DLG2: variants seen among roughly 807,000 people sequenced by gnomAD.
DLG2 encodes the protein disks large homolog 2.
A neutral mutation model predicts 132.5 loss-of-function variants in DLG2; 45 were observed. The ratio of observed to expected loss-of-function variants is 0.34; its 90% confidence interval spans 0.27 to 0.44. The LOEUF is 0.44. Among genes scored for constraint, DLG2 ranks in the 20% least tolerant of loss-of-function variants. DLG2 has a pLI of 1.00. For missense variants in DLG2, 1,045 were observed against 1,196.9 expected (o/e 0.87, Z 1.87); for synonymous variants, 424 against 419.6 (o/e 1.01, Z -0.13).
intron 18 of DLG2, among the ~76,000 whole-genome samples, chr11:83,718,021 C>G (rs1044822305): frequency 5.3e-5 from 8 of 152,200 alleles, no homozygotes; most frequent in Non-Finnish European, 7.3e-5. Flanking sequence ...ACCTTCAAAC[C>G]TGCTCCGTAC....
At chr11:85,183,525 A>G (rs2079874494) in intron 4 of DLG2, among the ~76,000 whole-genome samples, 1 of 151,936 alleles carries the variant, frequency 6.6e-6, no homozygotes, top group Non-Finnish European at 1.5e-5. Flanking sequence ...AGAAATGACA[A>G]CAAAACCATT....
intron 6 of DLG2, among the ~76,000 whole-genome samples, chr11:84,559,097 C>T (rs1171297716): frequency 6.6e-6 from 1 of 152,040 alleles, no homozygotes; most frequent in East Asian, 1.9e-4. Flanking sequence ...GAGTAGCTTG[C>T]TGAATAAATG....
At chr11:85,055,133 A>AT (rs1436794472) in intron 6 of DLG2, among the ~76,000 whole-genome samples, 2 of 152,194 alleles carry the variant, frequency 1.3e-5, no homozygotes, top group African/African-American at 4.8e-5. Flanking sequence ...CTTCAGACAA[A>AT]TTTGTCAAAT....
chr11:84,395,877 CATAGTCCACT>C (rs561855604), intron 7 of DLG2, among the ~76,000 whole-genome samples: 130 of 152,310 alleles, frequency 8.5e-4, no homozygotes, highest in African/African-American at 3.0e-3. Flanking sequence ...GTCCAAGAAA[CATAGTCCACT>C]ATTTGTCAGA....
intron 16 of DLG2, among the ~76,000 whole-genome samples, chr11:83,836,301 T>C (rs1382171392): frequency 6.6e-6 from 1 of 152,150 alleles, no homozygotes; most frequent in Admixed American, 6.5e-5. Context: ...AGGAAAATGT[T>C]TAACCAAATA....
chr11:83,932,017 T>C (rs568509149), intron 14 of DLG2, among the ~76,000 whole-genome samples: 12 of 152,332 alleles, frequency 7.9e-5, no homozygotes, highest in Admixed American at 2.0e-4. Flanking sequence ...GGCTAAAGAA[T>C]AGAGATATCA....
At position 85,511,279 on chromosome 11, in the gene DLG2, G is replaced by A. The variant is rs564458684; in HGVS notation, c.40+87378C>T. Among the ~76,000 whole-genome samples the A allele has an allele frequency of 3.3e-5, 5 of 151,968 alleles. No homozygotes were observed. The South Asian group carries it at 6.2e-4, about 19-fold the overall frequency. ...GGAGATGTACCTAATGCTAAATGAC[G>A]AGTTAATGGGTGCAGCATACCAACA... is the stretch of plus-strand genomic sequence containing the variant. On this transcript the variant is annotated intron_variant, in intron 3 of 27. Coordinates refer to ENST00000376104, the MANE Select transcript of DLG2 (RefSeq NM_001142699.3).
chr11:85,236,380 CCT>C (rs1320772125), intron 4 of DLG2, among the ~76,000 whole-genome samples: 2 of 151,860 alleles, frequency 1.3e-5, no homozygotes, highest in Non-Finnish European at 2.9e-5. Flanking sequence ...GAGTAGATTT[CCT>C]CTGAGACCCC....
chr11:84,713,931 C>T (rs1195208867), intron 6 of DLG2, among the ~76,000 whole-genome samples: 1 of 151,904 alleles, frequency 6.6e-6, no homozygotes, highest in Non-Finnish European at 1.5e-5. Context: ...AATTAAAATA[C>T]ATTCACAAAG....
chr11:84,474,638 C>A lies in DLG2; in HGVS notation c.519+59932G>T, dbSNP rs1467853118. Among the ~76,000 whole-genome samples, 3 of 152,002 alleles carry A rather than the reference C, an allele frequency of 2.0e-5. No homozygotes were observed. In the East Asian group the frequency reaches 5.8e-4, roughly 29 times the overall value. ...AATAAATTTGTCCAAATTAACACAG[C>A]CAATTGGTAGCAGATTCTGAATACA... On this transcript the variant is annotated intron_variant, in intron 7 of 27. Coordinates refer to ENST00000376104, the MANE Select transcript of DLG2 (RefSeq NM_001142699.3).
At chr11:83,732,299 G>C (rs193287580) in intron 18 of DLG2, among the ~76,000 whole-genome samples, 1 of 152,064 alleles carries the variant, frequency 6.6e-6, no homozygotes. Context: ...AAGCTAAAGG[G>C]TAATTTTGGG....
chr11:85,515,183 C>A (rs371759707), intron 3 of DLG2, among the ~76,000 whole-genome samples: 119 of 151,978 alleles, frequency 7.8e-4, no homozygotes, highest in African/African-American at 2.6e-3. Flanking sequence ...TAATTTTGAC[C>A]TAGTCCATCC....
intron 6 of DLG2, among the ~76,000 whole-genome samples, chr11:84,558,661 C>G (rs526027): frequency 0.087 from 13,240 of 152,114 alleles, 768 homozygotes; most frequent in Admixed American, 0.16. Flanking sequence ...ACCTACCGCT[C>G]CCCAGCTCCC....
chr11:84,294,423 C>A (rs372998974), intron 7 of DLG2, among the ~76,000 whole-genome samples: 1 of 152,160 alleles, frequency 6.6e-6, no homozygotes, highest in East Asian at 1.9e-4. Flanking sequence ...CATGGTGAAA[C>A]CCCATCTCTA....
chr11:85,340,823 A>C (rs1394906000), intron 3 of DLG2, among the ~76,000 whole-genome samples: 1 of 152,204 alleles, frequency 6.6e-6, no homozygotes, highest in African/African-American at 2.4e-5. Flanking sequence ...TCATAGTAGA[A>C]AGCATTTCCC....
chr11:84,329,271 G>A (rs1263064740), intron 7 of DLG2, among the ~76,000 whole-genome samples: 1 of 152,098 alleles, frequency 6.6e-6, no homozygotes, highest in Non-Finnish European at 1.5e-5. Context: ...TGGAAAATGT[G>A]GGACTTTGGT....
intron 3 of DLG2, among the ~76,000 whole-genome samples, chr11:85,485,789 G>A (rs779624844): frequency 6.6e-6 from 1 of 152,170 alleles, no homozygotes; most frequent in Non-Finnish European, 1.5e-5. Context: ...TCCAGACGGG[G>A]AACCCACATG....
intron 6 of DLG2, among the ~76,000 whole-genome samples, chr11:84,996,527 T>C (rs1341427154): frequency 6.6e-6 from 1 of 152,198 alleles, no homozygotes; most frequent in Non-Finnish European, 1.5e-5. Flanking sequence ...AGAGGCTATG[T>C]TTACTTGTTT....
intron 6 of DLG2, among the ~76,000 whole-genome samples, chr11:84,802,315 G>C (rs1335440565): frequency 1.3e-5 from 2 of 151,972 alleles, no homozygotes; most frequent in Non-Finnish European, 2.9e-5. Flanking sequence ...AATAAAGGGA[G>C]GTATGATAGG....
Sources: allele counts gnomAD v4.1 joint callset (sites outside exome capture counted in the v4.1 genomes callset), GRCh38; gene constraint gnomAD v4.1.1; transcripts MANE v1.5; gene names NCBI Gene and HGNC (gene_info 2026-07-23, HGNC 2026-07-21).